The following GOLGA5 variants were observed in gnomAD, a reference collection of about 807,000 sequenced individuals.
The protein encoded by GOLGA5 is golgin subfamily A member 5.
GOLGA5 carries 50 observed loss-of-function variants against 93.5 expected under a neutral mutation model. The ratio of observed to expected loss-of-function variants is 0.53; its 90% confidence interval spans 0.43 to 0.68. The LOEUF (loss-of-function observed/expected upper bound fraction) is 0.68. GOLGA5 is among the 30% of genes least tolerant of loss of function. GOLGA5 has a pLI of 0.00. For missense variants in GOLGA5, 760 were observed against 856.4 expected (o/e 0.89, Z 1.40); for synonymous variants, 312 against 304.5 (o/e 1.02, Z -0.26).
In GOLGA5 at chr14:92,809,484, A is replaced by G; in HGVS notation, c.957A>G (p.Thr319=). Residue 319 remains threonine, a synonymous_variant, in exon 4 of 13, where the codon ACA becomes ACG. Coordinates refer to ENST00000163416, the MANE Select transcript of GOLGA5 (RefSeq NM_005113.4). ...QEADQLLSTR[T]EALEALQSEK... is the part of the protein sequence containing the mutation. Reference sequence around the variant, plus strand: ...CTGACCAGCTACTGAGTACTCGCACAGAAGCATTAGAAGCCTTACAGAGTG... The same window carrying G: ...CTGACCAGCTACTGAGTACTCGCACGGAAGCATTAGAAGCCTTACAGAGTG... The G allele has an allele frequency of 1.9e-6, 3 of 1,613,256 alleles. No homozygotes were observed. The highest frequency in any genetic ancestry group is 2.2e-5 in the East Asian group (1 of 44,890).
intron 4 of GOLGA5, among the ~76,000 whole-genome samples, chr14:92,809,891 G>A (rs1013510202): frequency 3.3e-5 from 5 of 152,220 alleles, no homozygotes; most frequent in Non-Finnish European, 1.5e-5. Context: ...CCAGGAGGTG[G>A]AGGTTGCAGT....
chr14:92,798,625 A>T (rs2140310870), intron 2 of GOLGA5, among the ~76,000 whole-genome samples: 1 of 152,370 alleles, frequency 6.6e-6, no homozygotes, highest in East Asian at 1.9e-4. Context: ...CTGTTTTAAA[A>T]TAGCTATAGG....
chr14:92,832,510 C>T (rs1885552104), intron 9 of GOLGA5, among the ~76,000 whole-genome samples: 1 of 152,138 alleles, frequency 6.6e-6, no homozygotes, highest in South Asian at 2.1e-4. Context: ...CCAGAGTCTC[C>T]TAGGACAACT....
chr14:92,806,614 A>T, intron 2 of GOLGA5, 122 bp from the exon 3 acceptor site: 1 of 689,058 alleles, frequency 1.5e-6, no homozygotes, highest in Non-Finnish European at 2.6e-6. Flanking sequence ...CGCCTAGCTG[A>T]GAATTTACTT....
chr14:92,837,384 A>G lies in GOLGA5; in HGVS notation c.2052-2A>G. ...CTCCCCCTCACACCTGTGTCTGCAC[A>G]GTATTCGCCTGGGAATTTTTCTCCG... is the stretch of plus-strand genomic sequence containing the variant. On this transcript the variant is annotated splice_acceptor_variant, in intron 11 of 12. Transcript: ENST00000163416. LOFTEE classifies it high-confidence loss of function. 1.3e-6 allele frequency: 2 copies of G among 1,498,950 alleles called. 1 individual carries two copies. The highest frequency in any genetic ancestry group is 2.3e-5 in the South Asian group (2 of 87,746). The allele number at this position is 1,498,950 out of a possible 1,614,324, so 92.9% of individuals were successfully genotyped here.
rs759785751 is a variant in GOLGA5, at chr14:92,833,299, A to T, written c.1897A>T (p.Ser633Cys). 3 of 1,613,462 alleles carry T rather than the reference A, an allele frequency of 1.9e-6. No homozygotes were observed. The East Asian group carries it at 6.7e-5, about 36-fold the overall frequency. The part of the protein sequence containing the change: ...EQQMNSASGS[S>C]SNGSSINMSG... ...GCAGATGAACTCCGCCTCTGGAAGT[A>T]GTAGTAATGGGTCTTCGATTAATAT... The change falls in exon 10 of 13, where the codon AGT (serine) becomes TGT (cysteine). Residue 633 changes from serine (S) to cysteine (C), a missense_variant. Ser to Cys is a moderately radical substitution (Grantham distance 112). Transcript: ENST00000163416.
At chr14:92,822,919 A>G (rs2140328654) in intron 8 of GOLGA5, among the ~76,000 whole-genome samples, 1 of 152,234 alleles carries the variant, frequency 6.6e-6, no homozygotes, top group Non-Finnish European at 1.5e-5. Context: ...TCAGCCTCCC[A>G]AAGTGCTGGG....
At chr14:92,815,516 TA>T (rs1208768590) in intron 6 of GOLGA5, among the ~76,000 whole-genome samples, 1 of 151,912 alleles carries the variant, frequency 6.6e-6, no homozygotes, top group Non-Finnish European at 1.5e-5. Flanking sequence ...TGTTGGAAAA[TA>T]AAAACTATGA....
chr14:92,827,284 T>A (rs1406535058), intron 9 of GOLGA5, among the ~76,000 whole-genome samples: 1 of 152,246 alleles, frequency 6.6e-6, no homozygotes, highest in Non-Finnish European at 1.5e-5. Flanking sequence ...CACACCATTT[T>A]TCCAACAGCA....
chr14:92,816,915 C>CT (rs998853107), intron 7 of GOLGA5, among the ~76,000 whole-genome samples: 41 of 150,620 alleles, frequency 2.7e-4, no homozygotes, highest in Admixed American at 7.3e-4. Flanking sequence ...TCTCTCCTTT[C>CT]TTTCCTTCCT....
In GOLGA5 at chr14:92,839,472, G is replaced by T. The variant is rs1434205110; in HGVS notation, c.*26G>T. On this transcript the variant is annotated 3_prime_UTR_variant, in exon 13 of 13. Transcript: ENST00000163416. ...ACCAAGCCCAGTTGTTGCAGTGATT[G>T]GTTGTCTTTTTCTAGACTTGGGATC... The T allele has an allele frequency of 1.3e-6, 2 of 1,526,562 alleles. No homozygotes were observed. Among genetic ancestry groups the T allele is most frequent in the African/African-American group, 2.7e-5 (2 of 73,522 alleles). 94.6% of individuals were successfully genotyped at this position (1,526,562 alleles called of 1,614,324 possible). A position where few individuals can be genotyped will look rare whatever the true frequency, so the allele number is the denominator to read the frequency against.
chr14:92,829,075 C>G (rs1885476332), intron 9 of GOLGA5, among the ~76,000 whole-genome samples: 1 of 152,156 alleles, frequency 6.6e-6, no homozygotes, highest in African/African-American at 2.4e-5. Context: ...AGTGATCCTC[C>G]CACTTCAGCT....
intron 9 of GOLGA5, among the ~76,000 whole-genome samples, chr14:92,828,996 A>T (rs1018625941): frequency 4.0e-5 from 6 of 151,782 alleles, no homozygotes; most frequent in Admixed American, 2.0e-4. Flanking sequence ...ACAAGGTCCC[A>T]CTCTGTCACC....
chr14:92,804,820 T>C (rs1357501339), intron 2 of GOLGA5, among the ~76,000 whole-genome samples: 1 of 29,596 alleles, frequency 3.4e-5, no homozygotes, highest in Non-Finnish European at 5.0e-5. Flanking sequence ...CATGCCCAGC[T>C]AATTTTTAGT....
intron 9 of GOLGA5, among the ~76,000 whole-genome samples, chr14:92,826,371 T>G (rs1885422405): frequency 6.6e-6 from 1 of 152,148 alleles, no homozygotes; most frequent in African/African-American, 2.4e-5. Context: ...TTATTATTTT[T>G]GGGCTTTCTG....
chr14:92,817,674 TCATC>T (rs201878746), intron 7 of GOLGA5, among the ~76,000 whole-genome samples: 484 of 152,308 alleles, frequency 3.2e-3, no homozygotes, highest in Middle Eastern at 0.014. Context: ...TAGAGAATGT[TCATC>T]CATGCATTAA....
chr14:92,813,295 C>G (rs1885139903), intron 6 of GOLGA5, among the ~76,000 whole-genome samples: 1 of 152,142 alleles, frequency 6.6e-6, no homozygotes, highest in African/African-American at 2.4e-5. Flanking sequence ...AAGATGTGTC[C>G]TCTTCCTTTA....
chr14:92,816,767 C>T (rs1595597587), intron 7 of GOLGA5, among the ~76,000 whole-genome samples: 1 of 152,172 alleles, frequency 6.6e-6, no homozygotes, highest in Admixed American at 6.5e-5. Context: ...CCTGTGTTGT[C>T]CAAGCTGGTC....
chr14:92,828,353 G>C (rs1885462496), intron 9 of GOLGA5, among the ~76,000 whole-genome samples: 1 of 152,156 alleles, frequency 6.6e-6, no homozygotes, highest in African/African-American at 2.4e-5. Context: ...TGCTGCTTGT[G>C]CTCTGTAAAG....
Sources: gnomAD v4.1 joint callset for allele counts (sites outside exome capture counted in the v4.1 genomes callset) on GRCh38, gnomAD v4.1.1 for gene constraint, MANE v1.5 for transcripts, NCBI Gene and HGNC (gene_info 2026-07-23, HGNC 2026-07-21) for gene names.